CCSER1: variants seen among roughly 807,000 people sequenced by gnomAD.
CCSER1 encodes the protein serine-rich coiled-coil domain-containing protein 1.
Under a neutral mutation model 82.0 loss-of-function variants are expected in CCSER1, and 41 were observed. The observed-to-expected ratio is 0.50, with a 90% CI of 0.39 to 0.65. The LOEUF (loss-of-function observed/expected upper bound fraction) is 0.65. CCSER1 is among the 30% of genes least tolerant of loss of function. The probability of loss-of-function intolerance (pLI) is 0.00; values close to 1 mark genes in which losing one functional copy is unlikely to be tolerated. For synonymous variants in CCSER1, 414 were observed against 383.9 expected (o/e 1.08, Z -0.92); for missense variants, 1,119 against 1,064.2 (o/e 1.05, Z -0.72).
chr4:91,601,836 G>C lies in CCSER1; in HGVS notation c.*2779G>C, dbSNP rs935929337. The C allele has an allele frequency of 6.6e-6, 1 of 152,018 alleles. No homozygotes were observed. The highest frequency in any genetic ancestry group is 1.5e-5 in the Non-Finnish European group (1 of 67,940). The allele number at this position is 152,018 out of a possible 1,614,324, so 9.4% of individuals were successfully genotyped here. A position where few individuals can be genotyped will look rare whatever the true frequency, so the allele number is the denominator to read the frequency against. On this transcript the variant is annotated 3_prime_UTR_variant, in exon 11 of 11. Transcript: ENST00000509176. ...TGTTTTAAAGGAACACTTAGGAAGA[G>C]AAATACCTTGAAGAAAAGCTGTTTC...
chr4:91,478,790 TATTC>T lies in CCSER1; in HGVS notation c.2218-119780_2218-119777del, dbSNP rs1757730407. On this transcript the variant is annotated intron_variant, in intron 10 of 10. Transcript: ENST00000509176. Reference sequence around the variant, plus strand: ...TTATATATACCACAAGAGACCTACTTATTCAGTCAAATAAGACATTGCGTTTAAT... The same window carrying T: ...TTATATATACCACAAGAGACCTACTTAGTCAAATAAGACATTGCGTTTAAT... Among the ~76,000 whole-genome samples the T allele has an allele frequency of 3.3e-5, 5 of 151,862 alleles. No individual in the cohort carries two copies. In the South Asian group the frequency reaches 8.3e-4, roughly 25 times the overall value.
chr4:90,386,756 C>T (rs1156770205), intron 3 of CCSER1, among the ~76,000 whole-genome samples: 1 of 152,078 alleles, frequency 6.6e-6, no homozygotes, highest in Non-Finnish European at 1.5e-5. Context: ...ATGAATTGCA[C>T]CTGCTGTTTC....
In CCSER1 at chr4:90,427,936, T is replaced by C. The variant is rs138500846; in HGVS notation, c.1603+27807T>C. On this transcript the variant is annotated intron_variant, in intron 4 of 10. Coordinates refer to ENST00000509176, the MANE Select transcript of CCSER1 (RefSeq NM_001145065.2). ...CAGAAACTCATTTCTGTAAGCAGCA[T>C]ACCTATGGTTTTGTTATATTAGCTG... 5.1e-3 allele frequency among the ~76,000 whole-genome samples: 782 copies of C among 151,964 alleles called. 8 individuals are homozygous for C. Among genetic ancestry groups the C allele is most frequent in the African/African-American group, 0.018 (729 of 41,554 alleles).
intron 10 of CCSER1, among the ~76,000 whole-genome samples, chr4:91,314,841 G>A (rs995159380): frequency 6.6e-6 from 1 of 151,980 alleles, no homozygotes. Flanking sequence ...TCCCTCTATT[G>A]TAGTTAAGAT....
In CCSER1 at chr4:90,338,694, ATCAGACGTAC is replaced by A. The variant is rs533164504; in HGVS notation, c.1509+25650_1509+25659del. Among the ~76,000 whole-genome samples, 510 of 152,318 alleles carry A rather than the reference ATCAGACGTAC, an allele frequency of 3.3e-3. 3 individuals carry two copies. The highest frequency in any genetic ancestry group is 0.011 in the African/African-American group (471 of 41,582). ...AAAATAATGAAAATTTGTTATTTTAATCAGACGTACTCGCCTTCTGATTCAGATAAAATTA... is the reference window on the plus strand; with the variant it reads ...AAAATAATGAAAATTTGTTATTTTAATCGCCTTCTGATTCAGATAAAATTA... On this transcript the variant is annotated intron_variant, in intron 3 of 10. Transcript: ENST00000509176.
intron 5 of CCSER1, among the ~76,000 whole-genome samples, chr4:90,473,200 A>G (rs1764630804): frequency 6.6e-6 from 1 of 152,182 alleles, no homozygotes; most frequent in African/African-American, 2.4e-5. Flanking sequence ...GCTTTGGATT[A>G]TATTTTGTAT....
chr4:91,252,193 A>G (rs1740308204), intron 10 of CCSER1, among the ~76,000 whole-genome samples: 1 of 151,604 alleles, frequency 6.6e-6, no homozygotes, highest in South Asian at 2.1e-4. Flanking sequence ...TGCTGAAAGG[A>G]AAAAAAAATT....
intron 4 of CCSER1, among the ~76,000 whole-genome samples, chr4:90,414,863 T>G (rs1454749921): frequency 6.6e-6 from 1 of 152,188 alleles, no homozygotes; most frequent in Non-Finnish European, 1.5e-5. Context: ...CAGCAATACA[T>G]TTTTGTTTGT....
At chr4:90,271,826 TTATATATATATA>T (rs1189309598) in intron 1 of CCSER1, among the ~76,000 whole-genome samples, 20 of 42,882 alleles carry the variant, frequency 4.7e-4, no homozygotes, top group South Asian at 1.4e-3. Flanking sequence ...ACTGGACAAT[TTATATATATATA>T]TATATATATA....
At chr4:90,721,442 T>C (rs187262043) in intron 6 of CCSER1, among the ~76,000 whole-genome samples, 90 of 152,022 alleles carry the variant, frequency 5.9e-4, no homozygotes, top group Non-Finnish European at 1.2e-4. Context: ...AGCTCTTCTA[T>C]GTTCCCATAG....
At chr4:90,631,163 G>C (rs1363405356) in intron 6 of CCSER1, among the ~76,000 whole-genome samples, 1 of 152,060 alleles carries the variant, frequency 6.6e-6, no homozygotes, top group African/African-American at 2.4e-5. Context: ...AAAGTGCTGG[G>C]ACTACAGGCA....
intron 7 of CCSER1, among the ~76,000 whole-genome samples, chr4:90,809,659 C>A (rs995786695): frequency 3.3e-5 from 5 of 151,922 alleles, no homozygotes. Context: ...AACCAAAAAC[C>A]ACTTGTACCC....
intron 9 of CCSER1, among the ~76,000 whole-genome samples, chr4:91,061,595 A>G (rs1363256522): frequency 6.6e-6 from 1 of 152,024 alleles, no homozygotes; most frequent in Admixed American, 6.6e-5. Flanking sequence ...CTGAAGCTAT[A>G]ACAAGCTTCA....
At chr4:90,153,923 T>G (rs1727449711) in intron 1 of CCSER1, among the ~76,000 whole-genome samples, 1 of 152,296 alleles carries the variant, frequency 6.6e-6, no homozygotes, top group African/African-American at 2.4e-5. Context: ...TGCCATTGCT[T>G]TTGGTGTTTT....
At chr4:90,865,515 CTTG>C (rs954781959) in intron 8 of CCSER1, among the ~76,000 whole-genome samples, 13 of 151,892 alleles carry the variant, frequency 8.6e-5, no homozygotes, top group African/African-American at 3.1e-4. Context: ...TGCCTTTATT[CTTG>C]TTGGTTTCCT....
chr4:90,451,997 T>C (rs1386887658), intron 4 of CCSER1, among the ~76,000 whole-genome samples: 1 of 152,134 alleles, frequency 6.6e-6, no homozygotes, highest in East Asian at 1.9e-4. Flanking sequence ...TTAGAATAAG[T>C]ATAAATGTTA....
At chr4:91,437,883 A>G (rs1338948390) in intron 10 of CCSER1, among the ~76,000 whole-genome samples, 1 of 152,190 alleles carries the variant, frequency 6.6e-6, no homozygotes, top group South Asian at 2.1e-4. Flanking sequence ...GATTGCTAGC[A>G]CAGCAGTCTG....
intron 10 of CCSER1, among the ~76,000 whole-genome samples, chr4:91,536,413 G>A (rs951313356): frequency 1.1e-4 from 17 of 151,960 alleles, no homozygotes; most frequent in African/African-American, 3.6e-4. Flanking sequence ...TATAAGAAAC[G>A]CAGAGTTGGA....
chr4:90,980,856 C>T lies in CCSER1; in HGVS notation c.2172+57409C>T, dbSNP rs370479151. 4.6e-5 allele frequency among the ~76,000 whole-genome samples: 7 copies of T among 151,914 alleles called. No homozygotes were observed. The East Asian group carries it at 1.4e-3, about 30-fold the overall frequency. ...CCCAGGCTATATTAAGAGGTGAATA[C>T]TCGAACTACCACAGTTACTCTTTCA... On this transcript the variant is annotated intron_variant, in intron 9 of 10. Coordinates refer to ENST00000509176, the MANE Select transcript of CCSER1 (RefSeq NM_001145065.2).
Sources: allele counts gnomAD v4.1 joint callset (sites outside exome capture counted in the v4.1 genomes callset), GRCh38; gene constraint gnomAD v4.1.1; transcripts MANE v1.5; gene names NCBI Gene and HGNC (gene_info 2026-07-23, HGNC 2026-07-21).